Variants in ABCD3 observed in about 807,000 individuals in gnomAD.
ABCD3 encodes ATP-binding cassette sub-family D member 3.
ABCD3 carries 41 observed loss-of-function variants against 105.5 expected under a neutral mutation model. The observed-to-expected ratio is 0.39, with a 90% CI of 0.30 to 0.50. The LOEUF (loss-of-function observed/expected upper bound fraction) is 0.50, where lower values mean the gene tolerates loss of function less well. Among genes scored for constraint, ABCD3 ranks in the 20% least tolerant of loss-of-function variants. The pLI is 0.84. For missense variants in ABCD3, 622 were observed against 806.3 expected (o/e 0.77, Z 2.77); for synonymous variants, 258 against 269.0 (o/e 0.96, Z 0.40).
chr1:94,442,021 TTTTA>T (rs2100916081), intron 1 of ABCD3, among the ~76,000 whole-genome samples: 1 of 152,302 alleles, frequency 6.6e-6, no homozygotes, highest in Non-Finnish European at 1.5e-5. Context: ...AAGTCTTTGT[TTTTA>T]GAATGTAAAC....
At chr1:94,463,146 C>T (rs1339157585) in intron 2 of ABCD3, among the ~76,000 whole-genome samples, 1 of 152,154 alleles carries the variant, frequency 6.6e-6, no homozygotes, top group African/African-American at 2.4e-5. Flanking sequence ...TAGACTGAGC[C>T]TGTAACTCAG....
intron 5 of ABCD3, among the ~76,000 whole-genome samples, chr1:94,474,811 T>C (rs749384088): frequency 2.4e-4 from 37 of 151,650 alleles, no homozygotes; most frequent in Admixed American, 3.3e-4. Flanking sequence ...ACAGAAAATA[T>C]AAATGTCTGA....
chr1:94,441,009 C>CAT (rs1660111336), intron 1 of ABCD3, among the ~76,000 whole-genome samples: 1 of 152,134 alleles, frequency 6.6e-6, no homozygotes. Context: ...TTAAAGTATA[C>CAT]AAGTGCCAGA....
At position 94,418,463 on chromosome 1, in the gene ABCD3, T is replaced by C; in HGVS notation, c.-16T>C. On this transcript the variant is annotated 5_prime_UTR_variant, in exon 1 of 23. Transcript: ENST00000370214. ...CCGCCGCGTCCCCTCGCCGGCTCGC[T>C]GGTACCGGCAGTGCCATGGCGGCCT... 6.3e-7 allele frequency: 1 copy of C among 1,586,786 alleles called. No homozygotes were observed.
chr1:94,466,071 A>T (rs1189687769), intron 3 of ABCD3, among the ~76,000 whole-genome samples: 3 of 152,194 alleles, frequency 2.0e-5, no homozygotes, highest in African/African-American at 7.2e-5. Flanking sequence ...TTTTTTAAAA[A>T]AAGTAATGAC....
At chr1:94,435,211 A>G (rs1378967873) in intron 1 of ABCD3, among the ~76,000 whole-genome samples, 1 of 151,774 alleles carries the variant, frequency 6.6e-6, no homozygotes, top group Non-Finnish European at 1.5e-5. Flanking sequence ...TTTTTTTTCC[A>G]CTTCCTAGGA....
At chr1:94,456,459 G>C (rs1383211738) in intron 1 of ABCD3, among the ~76,000 whole-genome samples, 1 of 150,184 alleles carries the variant, frequency 6.7e-6, no homozygotes. Context: ...TTTTATTTTA[G>C]TAGAGACAGA....
chr1:94,438,793 C>T (rs544238575), intron 1 of ABCD3, among the ~76,000 whole-genome samples: 9 of 151,026 alleles, frequency 6.0e-5, no homozygotes, highest in Non-Finnish European at 1.2e-4. Flanking sequence ...TTTTTTTAGA[C>T]GTAATGTCAT....
intron 20 of ABCD3, among the ~76,000 whole-genome samples, chr1:94,502,257 A>G (rs1650133329): frequency 6.6e-6 from 1 of 152,256 alleles, no homozygotes; most frequent in Admixed American, 6.5e-5. Flanking sequence ...ATTTTTCATG[A>G]CAATCATTTT....
At chr1:94,444,093 G>A (rs1486190214) in intron 1 of ABCD3, among the ~76,000 whole-genome samples, 1 of 151,850 alleles carries the variant, frequency 6.6e-6, no homozygotes, top group Non-Finnish European at 1.5e-5. Flanking sequence ...CAGCACTTTG[G>A]GATGTTGAGG....
the ABCD3 span, among the ~76,000 whole-genome samples, chr1:94,411,079 T>G: frequency 6.6e-6 from 1 of 152,020 alleles, no homozygotes; most frequent in Admixed American, 6.6e-5. Context: ...GGCAATAGAT[T>G]CCCAGGTATG....
chr1:94,426,692 G>A (rs1659483862), intron 1 of ABCD3, among the ~76,000 whole-genome samples: 1 of 151,652 alleles, frequency 6.6e-6, no homozygotes, highest in South Asian at 2.1e-4. Flanking sequence ...ACAGGCACCC[G>A]CCACCACACC....
At chr1:94,416,662 G>C (rs182798473), upstream of ABCD3, among the ~76,000 whole-genome samples, 667 of 152,284 alleles carry the variant, frequency 4.4e-3, 23 homozygotes, top group Admixed American at 0.034. Flanking sequence ...TATTCCTCAA[G>C]ACAAGATGTA....
intron 1 of ABCD3, among the ~76,000 whole-genome samples, chr1:94,427,614 A>G (rs532928558): frequency 1.3e-5 from 2 of 152,226 alleles, no homozygotes; most frequent in East Asian, 3.9e-4. Context: ...ATCTTCCTAC[A>G]TTTTCTTTGG....
At chr1:94,438,085 G>A (rs537451222) in intron 1 of ABCD3, among the ~76,000 whole-genome samples, 11 of 152,036 alleles carry the variant, frequency 7.2e-5, no homozygotes, top group African/African-American at 1.4e-4. Context: ...TCAGGAGATC[G>A]AGACCATCCT....
intron 1 of ABCD3, among the ~76,000 whole-genome samples, chr1:94,449,922 A>G (rs1345712019): frequency 6.6e-6 from 1 of 152,206 alleles, no homozygotes; most frequent in Non-Finnish European, 1.5e-5. Context: ...AAACATAAGG[A>G]TTTGTGGAAA....
chr1:94,466,437 A>G (rs1435618023), intron 3 of ABCD3, among the ~76,000 whole-genome samples: 2 of 152,128 alleles, frequency 1.3e-5, no homozygotes, highest in East Asian at 1.9e-4. Context: ...TAATCAAAAC[A>G]TGTAACTTCA....
chr1:94,418,648 C>T, intron 1 of ABCD3, 60 bp downstream of exon 1: 1 of 1,512,898 alleles, frequency 6.6e-7, no homozygotes. Flanking sequence ...CCCGCGCGCT[C>T]TCTCTCCCCA....
chr1:94,467,772 A>C lies in ABCD3; in HGVS notation c.247-147A>C, dbSNP rs996818730. On this transcript the variant is annotated intron_variant, in intron 3 of 22. Coordinates refer to ENST00000370214, the MANE Select transcript of ABCD3 (RefSeq NM_002858.4). ...TTGCGTTCCCTTTAAACTATATTTA[A>C]AATTACTTATAGAAAAAATGTCAGC... 16 of 643,146 alleles carry C rather than the reference A, an allele frequency of 2.5e-5. No individual in the cohort carries two copies. The African/African-American group carries it at 2.8e-4, about 11-fold the overall frequency. 39.8% of individuals were successfully genotyped at this position (643,146 alleles called of 1,614,324 possible).
Sources: allele counts gnomAD v4.1 joint callset (sites outside exome capture counted in the v4.1 genomes callset), GRCh38; gene constraint gnomAD v4.1.1; transcripts MANE v1.5; gene names NCBI Gene and HGNC (gene_info 2026-07-23, HGNC 2026-07-21).